LURAP1: variants seen among roughly 807,000 people sequenced by gnomAD.
LURAP1 encodes NF-kappa-B activator C1orf190.
In LURAP1, 14 loss-of-function variants were observed where a neutral mutation model predicts 19.0. That is an observed-to-expected ratio of 0.74 (90% CI 0.49 to 1.15). The LOEUF is 1.15. Among genes scored for constraint, LURAP1 ranks in the 50% most tolerant of loss-of-function variants. The pLI, the probability that LURAP1 is intolerant of heterozygous loss-of-function variation, is 0.00. For synonymous variants in LURAP1, 129 were observed against 131.8 expected, an observed-to-expected ratio of 0.98 and a Z score of 0.14; for missense variants, 273 against 309.1, an observed-to-expected ratio of 0.88 and a Z score of 0.87.
chr1:46,211,825 T>C (rs1447478970), intron 1 of LURAP1, among the ~76,000 whole-genome samples: 1 of 151,982 alleles, frequency 6.6e-6, no homozygotes, highest in Non-Finnish European at 1.5e-5. Context: ...AGTGCAGTGG[T>C]GTGATCTCGG....
chr1:46,211,356 C>A (rs1374449571), intron 1 of LURAP1, among the ~76,000 whole-genome samples: 1 of 151,418 alleles, frequency 6.6e-6, no homozygotes, highest in Non-Finnish European at 1.5e-5. Context: ...TTTCCTGAAG[C>A]CTATTTCTGA....
In LURAP1 at chr1:46,203,395, G is replaced by T; in HGVS notation, c.-32G>T. 1 of 1,431,400 alleles carries T rather than the reference G, an allele frequency of 7.0e-7. No homozygotes were observed. The highest frequency in any genetic ancestry group is 9.2e-7 in the Non-Finnish European group (1 of 1,088,984). The allele number at this position is 1,431,400 out of a possible 1,614,324, so 88.7% of individuals were successfully genotyped here. ...CCCCGGGAGCCGGTCCCCGGCGTCC[G>T]GTCGCCCAGCCCTTTTCAGGCTTGG... is the stretch of plus-strand genomic sequence containing the variant. On this transcript the variant is annotated 5_prime_UTR_variant, in exon 1 of 2. Transcript: ENST00000371980.
intron 1 of LURAP1, among the ~76,000 whole-genome samples, chr1:46,219,101 A>G (rs544380539): frequency 2.0e-5 from 3 of 152,242 alleles, no homozygotes; most frequent in South Asian, 4.1e-4. Flanking sequence ...GTTTGAGACC[A>G]GCCTGACCAA....
At chr1:46,206,262 C>T (rs1176513194) in intron 1 of LURAP1, among the ~76,000 whole-genome samples, 2 of 152,120 alleles carry the variant, frequency 1.3e-5, no homozygotes, top group Admixed American at 6.6e-5. Flanking sequence ...GTTTTTCCTC[C>T]TTTTGGTGGA....
At chr1:46,214,428 T>C (rs1189286348) in intron 1 of LURAP1, among the ~76,000 whole-genome samples, 1 of 151,662 alleles carries the variant, frequency 6.6e-6, no homozygotes, top group Non-Finnish European at 1.5e-5. Flanking sequence ...ATAAAAATCA[T>C]TAAGCATATC....
chr1:46,220,110 G>A lies in LURAP1; in HGVS notation c.610G>A (p.Glu204Lys), dbSNP rs1472988736. 2 of 1,614,124 alleles carry A rather than the reference G, an allele frequency of 1.2e-6. No homozygotes were observed. The highest frequency in any genetic ancestry group is 4.5e-5 in the East Asian group (2 of 44,902). Residue 204 changes from glutamate (E) to lysine (K), a missense_variant, in exon 2 of 2, where the codon GAG (glutamate) becomes AAG (lysine). Glu to Lys is a moderately conservative substitution (Grantham distance 56). Transcript: ENST00000371980. Reference sequence around the variant, plus strand: ...GAGAGCTGTGTGGAAGCCCCCAGGGGAGAGGCTTCAAGGTGGACCACCTGA... The same window carrying A: ...GAGAGCTGTGTGGAAGCCCCCAGGGAAGAGGCTTCAAGGTGGACCACCTGA... ...SLRAVWKPPGERLQGGPPESP... is the reference protein window; with the variant it reads ...SLRAVWKPPGKRLQGGPPESP...
chr1:46,216,744 G>A (rs761032789), intron 1 of LURAP1, among the ~76,000 whole-genome samples: 18 of 152,086 alleles, frequency 1.2e-4, no homozygotes, highest in Non-Finnish European at 2.1e-4. Context: ...CATCACCCAG[G>A]AAGTGAGCAT....
chr1:46,214,025 C>G (rs950072304), intron 1 of LURAP1, among the ~76,000 whole-genome samples: 6 of 152,062 alleles, frequency 3.9e-5, no homozygotes, highest in Admixed American at 1.3e-4. Context: ...ACATCTGACC[C>G]TCTATATAGA....
intron 1 of LURAP1, among the ~76,000 whole-genome samples, chr1:46,214,068 G>A (rs1658984953): frequency 6.6e-6 from 1 of 152,100 alleles, no homozygotes; most frequent in African/African-American, 2.4e-5. Context: ...ACTTGAGGCC[G>A]GGCATGGTGG....
Position 46,203,556 on chromosome 1 carries a change from C to A in LURAP1, c.130C>A (p.Leu44Met). 1 of 1,569,146 alleles carries A rather than the reference C, an allele frequency of 6.4e-7. No individual in the cohort carries two copies. The highest frequency in any genetic ancestry group is 8.6e-7 in the Non-Finnish European group (1 of 1,161,090). Residue 44 changes from leucine to methionine, a missense_variant, in exon 1 of 2, where the codon CTG becomes ATG. By Grantham distance (15) the Leu-to-Met change is conservative. Transcript: ENST00000371980. ...ECELGTSGAL[L>M]LPGASSTGHD... ...TGAGCTGGGAACCTCTGGCGCCCTG[C>A]TGCTCCCAGGGGCGTCTAGCACCGG...
intron 1 of LURAP1, among the ~76,000 whole-genome samples, chr1:46,219,492 G>T (rs1659165895): frequency 6.6e-6 from 1 of 152,166 alleles, no homozygotes; most frequent in Non-Finnish European, 1.5e-5. Context: ...AGAGACTGAG[G>T]CTCAAAGAAG....
At chr1:46,216,110 G>A (rs1375014786) in intron 1 of LURAP1, among the ~76,000 whole-genome samples, 3 of 128,234 alleles carry the variant, frequency 2.3e-5, no homozygotes, top group Non-Finnish European at 4.7e-5. Context: ...GCAGTGGCGC[G>A]ATCTCGGCTC....
rs751597378 is a variant in LURAP1 at position 46,219,734 on chromosome 1, G to A, written c.234G>A (p.Gln78=). 6.2e-7 allele frequency: 1 copy of A among 1,607,154 alleles called. No homozygotes were observed. The highest frequency in any genetic ancestry group is 1.1e-5 in the South Asian group (1 of 89,916). The stretch of plus-strand genomic sequence containing the variant: ...GAGCCATCGATGTGAAGATCCTGCA[G>A]CAGCTGGTGACCTTGAATGAGGGCA... ...YLRAIDVKIL[Q]QLVTLNEGIE... The change falls in exon 2 of 2, where the codon CAG becomes CAA. Residue 78 remains glutamine (Q), a synonymous_variant. Transcript: ENST00000371980.
At chr1:46,209,831 GAGGA>G (rs1029934116) in intron 1 of LURAP1, among the ~76,000 whole-genome samples, 3 of 152,040 alleles carry the variant, frequency 2.0e-5, no homozygotes, top group Admixed American at 6.6e-5. Flanking sequence ...ATTTTGGAAA[GAGGA>G]AGGAAGGGAG....
At chr1:46,209,894 G>A (rs1658840642) in intron 1 of LURAP1, among the ~76,000 whole-genome samples, 1 of 152,098 alleles carries the variant, frequency 6.6e-6, no homozygotes. Flanking sequence ...GAAAACAGCA[G>A]GACAAGTGTT....
Position 46,219,865 on chromosome 1 carries a change from C to A in LURAP1, c.365C>A (p.Ser122Ter), listed in dbSNP as rs769390159. 1.9e-6 allele frequency: 3 copies of A among 1,613,866 alleles called. 1 individual carries two copies. Among genetic ancestry groups the A allele is most frequent in the South Asian group, 2.2e-5 (2 of 91,050 alleles). ...CTGACAGGCGGGAGCCCAGGCCGCT[C>A]AAGGCGAGGCAGCTGGGACAGCCTG... ...YSLTGGSPGR[S>*]RRGSWDSLPD... The change falls in exon 2 of 2, where the codon TCA (serine) becomes TAA (stop). Residue 122 changes from serine (S) to a stop codon, truncating the protein, a stop_gained. Coordinates refer to ENST00000371980, the MANE Select transcript of LURAP1 (RefSeq NM_001013615.3). LOFTEE classifies it high-confidence loss of function.
At chr1:46,212,390 C>T (rs1408863683) in intron 1 of LURAP1, among the ~76,000 whole-genome samples, 1 of 151,716 alleles carries the variant, frequency 6.6e-6, no homozygotes, top group Admixed American at 6.6e-5. Flanking sequence ...ATGCCATTCT[C>T]CTGCCTCAGC....
chr1:46,219,759 A>G lies in LURAP1; in HGVS notation c.259A>G (p.Ile87Val), dbSNP rs371326152. The change falls in exon 2 of 2, where the codon ATC becomes GTC. Residue 87 changes from isoleucine (I) to valine (V), a missense_variant. Physicochemically the swap from Ile to Val is conservative, Grantham distance 29. Coordinates refer to ENST00000371980, the MANE Select transcript of LURAP1 (RefSeq NM_001013615.3). ...LQQLVTLNEGIEAVRWLLEER... is the reference protein window; with the variant it reads ...LQQLVTLNEGVEAVRWLLEER... ...GCAGCTGGTGACCTTGAATGAGGGCATCGAGGCAGTGCGCTGGCTGTTGGA... is the reference window on the plus strand; with the variant it reads ...GCAGCTGGTGACCTTGAATGAGGGCGTCGAGGCAGTGCGCTGGCTGTTGGA... 1.2e-6 allele frequency: 2 copies of G among 1,613,540 alleles called. No homozygotes were observed. The highest frequency in any genetic ancestry group is 8.5e-7 in the Non-Finnish European group (1 of 1,179,726).
At chr1:46,206,628 TC>T (rs930994138) in intron 1 of LURAP1, among the ~76,000 whole-genome samples, 1 of 152,208 alleles carries the variant, frequency 6.6e-6, no homozygotes, top group Admixed American at 6.5e-5. Context: ...AACCTTGCTT[TC>T]TTCTATTCTG....
Sources: allele counts gnomAD v4.1 joint callset (sites outside exome capture counted in the v4.1 genomes callset), GRCh38; gene constraint gnomAD v4.1.1; transcripts MANE v1.5; gene names NCBI Gene and HGNC (gene_info 2026-07-23, HGNC 2026-07-21).